The following TMEM117 variants were observed in gnomAD, a reference collection of about 807,000 sequenced individuals.
TMEM117 encodes transmembrane protein 117.
TMEM117 carries 27 observed loss-of-function variants against 52.4 expected under a neutral mutation model. The ratio of observed to expected loss-of-function variants is 0.51; its 90% CI spans 0.38 to 0.71. The LOEUF is 0.71. Ranked by LOEUF, TMEM117 falls within the 30% of genes least tolerant of loss-of-function variation. The pLI, the probability that TMEM117 is intolerant of heterozygous loss-of-function variation, is 0.00. For missense variants in TMEM117, 556 were observed against 630.5 expected, an observed-to-expected ratio of 0.88 and a Z score of 1.26; for synonymous variants, 215 against 206.3, an observed-to-expected ratio of 1.04 and a Z score of -0.36.
chr12:44,004,014 C>A (rs982630004), intron 3 of TMEM117, among the ~76,000 whole-genome samples: 1 of 152,086 alleles, frequency 6.6e-6, no homozygotes, highest in Non-Finnish European at 1.5e-5. Flanking sequence ...TTTTCTGGAG[C>A]CCTTGTACTC....
At chr12:43,991,461 C>CTATT (rs894345171) in intron 3 of TMEM117, among the ~76,000 whole-genome samples, 9 of 151,806 alleles carry the variant, frequency 5.9e-5, no homozygotes, top group Non-Finnish European at 1.3e-4. Context: ...ATCTATCTAT[C>CTATT]TATCTATCTA....
chr12:43,869,986 C>T (rs953066085), intron 2 of TMEM117, among the ~76,000 whole-genome samples: 1 of 152,152 alleles, frequency 6.6e-6, no homozygotes, highest in African/African-American at 2.4e-5. Context: ...GTGTTTTCAT[C>T]ATTTAGCTCC....
Position 44,231,891 on chromosome 12 carries a change from T to C in TMEM117, c.608+20504T>C, listed in dbSNP as rs146512276. ...GTACCTGGTCTTTTTACTCTTCTTA[T>C]GGGTTAAAGCATAAACTTTGATGCA... On this transcript the variant is annotated intron_variant, in intron 5 of 7. Transcript: ENST00000266534. Among the ~76,000 whole-genome samples, 28 of 151,850 alleles carry C rather than the reference T, an allele frequency of 1.8e-4. No homozygotes were observed. In the East Asian group the frequency reaches 5.2e-3, roughly 28 times the overall value.
intron 3 of TMEM117, among the ~76,000 whole-genome samples, chr12:44,028,640 A>G (rs998436916): frequency 9.9e-5 from 15 of 152,164 alleles, no homozygotes; most frequent in Non-Finnish European, 1.6e-4. Flanking sequence ...GTTACCCTAT[A>G]TGGTCTAAAA....
intron 2 of TMEM117, among the ~76,000 whole-genome samples, chr12:43,875,051 C>T (rs1438289153): frequency 6.6e-6 from 1 of 152,032 alleles, no homozygotes; most frequent in Non-Finnish European, 1.5e-5. Context: ...AATTATCTTC[C>T]GTAAAAAACA....
At chr12:44,137,096 CAAAA>C (rs201028902) in intron 3 of TMEM117, among the ~76,000 whole-genome samples, 3 of 98,456 alleles carry the variant, frequency 3.0e-5, no homozygotes, top group South Asian at 3.2e-4. Flanking sequence ...TTTCATTTGC[CAAAA>C]AAAAAAAAAA....
intron 5 of TMEM117, among the ~76,000 whole-genome samples, chr12:44,215,766 T>C (rs1032679770): frequency 2.0e-5 from 3 of 151,564 alleles, no homozygotes; most frequent in African/African-American, 7.3e-5. Flanking sequence ...CTATGATTAG[T>C]AGAGGAATTG....
intron 5 of TMEM117, among the ~76,000 whole-genome samples, chr12:44,247,684 C>T (rs528716068): frequency 6.6e-6 from 1 of 152,178 alleles, no homozygotes; most frequent in African/African-American, 2.4e-5. Flanking sequence ...ACCAGAGCAG[C>T]GCAAACCTTG....
chr12:44,110,053 AT>A (rs1948030606), intron 3 of TMEM117, among the ~76,000 whole-genome samples: 1 of 70,738 alleles, frequency 1.4e-5, no homozygotes, highest in Non-Finnish European at 2.5e-5. Flanking sequence ...TTGTACATTG[AT>A]TTTGTATCCT....
intron 4 of TMEM117, among the ~76,000 whole-genome samples, chr12:44,180,487 A>C (rs1277351236): frequency 7.1e-6 from 1 of 140,380 alleles, no homozygotes. Context: ...ATATCTCCCA[A>C]TCCTATCCCT....
the TMEM117 span, among the ~76,000 whole-genome samples, chr12:43,811,608 A>G: frequency 6.6e-6 from 1 of 152,230 alleles, no homozygotes; most frequent in South Asian, 2.1e-4. Context: ...TTCATCATAC[A>G]GTTCATTGGT....
At chr12:43,809,019 A>G in the TMEM117 span, among the ~76,000 whole-genome samples, 1 of 152,192 alleles carries the variant, frequency 6.6e-6, no homozygotes, top group Admixed American at 6.5e-5. Context: ...GGTTTGACCT[A>G]TGAAATGGTA....
intron 2 of TMEM117, among the ~76,000 whole-genome samples, chr12:43,912,403 C>G (rs1014779571): frequency 1.3e-5 from 2 of 151,156 alleles, no homozygotes; most frequent in Non-Finnish European, 2.9e-5. Context: ...TGCTAGATGA[C>G]GAGTTAGTGG....
chr12:43,852,108 C>A (rs1290747800), intron 2 of TMEM117, among the ~76,000 whole-genome samples: 1 of 150,622 alleles, frequency 6.6e-6, no homozygotes, highest in Non-Finnish European at 1.5e-5. Flanking sequence ...ACCATCCTGG[C>A]CAACATGGTG....
intron 5 of TMEM117, among the ~76,000 whole-genome samples, chr12:44,291,815 C>T (rs1160259403): frequency 6.6e-6 from 1 of 152,014 alleles, no homozygotes; most frequent in Non-Finnish European, 1.5e-5. Flanking sequence ...TGTAAGCTAA[C>T]ATATCCTTGC....
chr12:43,853,842 C>T (rs1943353425), intron 2 of TMEM117, among the ~76,000 whole-genome samples: 1 of 152,006 alleles, frequency 6.6e-6, no homozygotes, highest in South Asian at 2.1e-4. Context: ...CCATGTGGGA[C>T]CTAAATTGAG....
chr12:44,390,122 A>G (rs1952152143), downstream of TMEM117, among the ~76,000 whole-genome samples: 1 of 151,970 alleles, frequency 6.6e-6, no homozygotes, highest in Non-Finnish European at 1.5e-5. Context: ...TTTACTAAGC[A>G]TTTGGAACCA....
chr12:44,269,095 T>C (rs1381243302), intron 5 of TMEM117, among the ~76,000 whole-genome samples: 4 of 152,200 alleles, frequency 2.6e-5, no homozygotes, highest in Non-Finnish European at 5.9e-5. Flanking sequence ...GTTATTTTTA[T>C]ACCTGTATCT....
chr12:44,047,651 T>A (rs1200444338), intron 3 of TMEM117, among the ~76,000 whole-genome samples: 1 of 152,220 alleles, frequency 6.6e-6, no homozygotes, highest in African/African-American at 2.4e-5. Flanking sequence ...AATTGAATAG[T>A]CCATAGACTT....
Sources: allele counts gnomAD v4.1 joint callset (sites outside exome capture counted in the v4.1 genomes callset), GRCh38; gene constraint gnomAD v4.1.1; transcripts MANE v1.5; gene names NCBI Gene and HGNC (gene_info 2026-07-23, HGNC 2026-07-21).